The following ITGB6 variants were observed in gnomAD, a reference collection of about 807,000 sequenced individuals.
The protein encoded by ITGB6 is integrin beta-6.
In ITGB6, 80 loss-of-function variants were observed where a neutral mutation model predicts 84.5. That is an observed-to-expected ratio of 0.95 (90% CI 0.79 to 1.14). The LOEUF is 1.14. Among genes scored for constraint, ITGB6 ranks in the 50% most tolerant of loss-of-function variants. ITGB6 has a pLI of 0.00. For synonymous variants in ITGB6, 383 were observed against 354.9 expected (o/e 1.08, Z -0.89); for missense variants, 1,006 against 968.0 (o/e 1.04, Z -0.52).
At chr2:160,169,759 A>G (rs1685136412) in intron 6 of ITGB6, among the ~76,000 whole-genome samples, 1 of 152,178 alleles carries the variant, frequency 6.6e-6, no homozygotes, top group African/African-American at 2.4e-5. Context: ...TTGGAATTGG[A>G]TGAGGTGGAA....
intron 12 of ITGB6, among the ~76,000 whole-genome samples, chr2:160,122,970 C>T (rs756548299): frequency 6.6e-6 from 1 of 152,122 alleles, no homozygotes; most frequent in Non-Finnish European, 1.5e-5. Flanking sequence ...GCAATTCTAC[C>T]CTGAGCTGCA....
At chr2:160,170,718 C>A (rs1032653863) in intron 6 of ITGB6, among the ~76,000 whole-genome samples, 1 of 152,138 alleles carries the variant, frequency 6.6e-6, no homozygotes, top group South Asian at 2.1e-4. Flanking sequence ...TCAGAGGACC[C>A]GGGGGCTATG....
chr2:160,125,666 T>A lies in ITGB6; in HGVS notation c.1883+713A>T, dbSNP rs931163459. On this transcript the variant is annotated intron_variant, in intron 11 of 14. Transcript: ENST00000283249. ...CAGAGTTCATGAAAATCTGAAATGC[T>A]GAAGCATATTTGCTGCATAATACAT... Among the ~76,000 whole-genome samples, 77 of 152,340 alleles carry A rather than the reference T, an allele frequency of 5.1e-4. 1 individual carries two copies. Among genetic ancestry groups the A allele is most frequent in the African/African-American group, 1.9e-3 (77 of 41,572 alleles).
intron 12 of ITGB6, among the ~76,000 whole-genome samples, chr2:160,121,031 G>T (rs1683015174): frequency 6.6e-6 from 1 of 151,386 alleles, no homozygotes; most frequent in Non-Finnish European, 1.5e-5. Flanking sequence ...TGCACATTGT[G>T]CACATGTACC....
intron 4 of ITGB6, among the ~76,000 whole-genome samples, chr2:160,190,872 C>T (rs1686114835): frequency 6.6e-6 from 1 of 152,108 alleles, no homozygotes; most frequent in Non-Finnish European, 1.5e-5. Context: ...TATTATTGTA[C>T]TACATGTTGC....
intron 4 of ITGB6, among the ~76,000 whole-genome samples, chr2:160,194,221 C>G (rs1686246717): frequency 6.6e-6 from 1 of 152,026 alleles, no homozygotes; most frequent in Non-Finnish European, 1.5e-5. Context: ...GTCTCAGATA[C>G]TTGCAACCAA....
intron 4 of ITGB6, among the ~76,000 whole-genome samples, chr2:160,190,174 A>G (rs1407627736): frequency 3.6e-5 from 5 of 137,568 alleles, no homozygotes; most frequent in Non-Finnish European, 6.2e-5. Context: ...TGGACACAGG[A>G]AGGGGAACAT....
At chr2:160,196,444 T>A (rs751197631) in intron 2 of ITGB6, 24 bp from the exon 3 acceptor site, 3 of 1,565,760 alleles carry the variant, frequency 1.9e-6, no homozygotes, top group South Asian at 1.2e-5. Context: ...AGAAAAACAA[T>A]AACCAGAAAA....
rs184765465 is a variant in ITGB6 at position 160,137,517 on chromosome 2, A to G, written c.1577T>C (p.Leu526Ser). ...CCCATAAATGTTTCCATAGGGAGAC[A>G]AGTGGCAGATACACTGCCCACAGTA... The part of the protein sequence containing the change: ...DCYCGQCICH[L>S]SPYGNIYGPY... Residue 526 changes from leucine (L) to serine (S), a missense_variant, in exon 10 of 15, where the codon TTG becomes TCG. Leu to Ser is a moderately radical substitution (Grantham distance 145, BLOSUM62 -2). Transcript: ENST00000283249. 1.2e-5 allele frequency: 20 copies of G among 1,614,200 alleles called. No individual in the cohort carries two copies. Among genetic ancestry groups the G allele is most frequent in the Admixed American group, 3.3e-5 (2 of 60,030 alleles).
intron 4 of ITGB6, among the ~76,000 whole-genome samples, chr2:160,186,754 G>T (rs575441910): frequency 7.2e-5 from 11 of 152,216 alleles, no homozygotes; most frequent in African/African-American, 2.6e-4. Flanking sequence ...AGAAAATATG[G>T]CACATATACA....
chr2:160,196,377 G>A lies in ITGB6; in HGVS notation c.185C>T (p.Pro62Leu), dbSNP rs748070197. The stretch of plus-strand genomic sequence containing the variant: ...ACATCCTTTAGCTAAAAGGTTTGCT[G>A]GGGTATCACACCTTTCGCCAACTCC... Reference protein sequence around the residue: ...PSGVGERCDTPANLLAKGCQL... With the variant: ...PSGVGERCDTLANLLAKGCQL... The change falls in exon 3 of 15, where the codon CCA becomes CTA. Residue 62 changes from proline to leucine, a missense_variant. By Grantham distance (98) the Pro-to-Leu change is moderately conservative. Transcript: ENST00000283249. The A allele has an allele frequency of 3.7e-6, 6 of 1,613,974 alleles. 1 individual carries two copies. In the Admixed American group the frequency reaches 6.7e-5, roughly 18 times the overall value.
intron 13 of ITGB6, among the ~76,000 whole-genome samples, chr2:160,109,312 C>G (rs747969916): frequency 5.3e-5 from 8 of 152,196 alleles, no homozygotes; most frequent in Non-Finnish European, 8.8e-5. Context: ...AGCAAATGAA[C>G]CATAGCTGCC....
Position 160,158,829 on chromosome 2 carries a change from G to A in ITGB6, c.1017+10383C>T, listed in dbSNP as rs142866270. ...GAAATGCAGATTCTTGGCTGGGCAC[G>A]GTGGCTCATGCCTGTAATCCCAGCA... On this transcript the variant is annotated intron_variant, in intron 7 of 14. Coordinates refer to ENST00000283249, the MANE Select transcript of ITGB6 (RefSeq NM_000888.5). Among the ~76,000 whole-genome samples, 1,422 of 152,300 alleles carry A rather than the reference G, an allele frequency of 9.3e-3. 11 individuals carry two copies. Among genetic ancestry groups the A allele is most frequent in the Middle Eastern group, 0.054 (16 of 294 alleles).
chr2:160,143,331 A>C (rs1684070856), intron 7 of ITGB6, among the ~76,000 whole-genome samples: 1 of 152,196 alleles, frequency 6.6e-6, no homozygotes, highest in South Asian at 2.1e-4. Flanking sequence ...TTCTGTAATC[A>C]TCAAAGGCTT....
intron 4 of ITGB6, among the ~76,000 whole-genome samples, chr2:160,189,156 A>T (rs1392167156): frequency 6.6e-6 from 1 of 152,238 alleles, no homozygotes; most frequent in Non-Finnish European, 1.5e-5. Flanking sequence ...CCATATGTAA[A>T]AAGCTGAAAC....
chr2:160,116,314 T>G (rs1682765041), intron 12 of ITGB6, among the ~76,000 whole-genome samples: 1 of 150,954 alleles, frequency 6.6e-6, no homozygotes, highest in African/African-American at 2.4e-5. Flanking sequence ...AGCTGATCTC[T>G]TGGCAGAAAC....
chr2:160,126,238 G>T, intron 11 of ITGB6, 141 bp downstream of exon 11: 1 of 695,062 alleles, frequency 1.4e-6, no homozygotes, highest in Non-Finnish European at 2.5e-6. Flanking sequence ...CAGAGGCCCT[G>T]TGGGTTTGTG....
At chr2:160,110,951 T>C (rs1332881162) in intron 13 of ITGB6, among the ~76,000 whole-genome samples, 2 of 152,202 alleles carry the variant, frequency 1.3e-5, no homozygotes, top group East Asian at 1.9e-4. Context: ...GGAGGTTATG[T>C]TTCCCCTCAC....
At chr2:160,132,866 G>C (rs752015923) in intron 10 of ITGB6, among the ~76,000 whole-genome samples, 1 of 151,920 alleles carries the variant, frequency 6.6e-6, no homozygotes, top group Non-Finnish European at 1.5e-5. Flanking sequence ...AAGATATTCC[G>C]AGTAATTTTC....
Sources: gnomAD v4.1 joint callset for allele counts (sites outside exome capture counted in the v4.1 genomes callset) on GRCh38, gnomAD v4.1.1 for gene constraint, MANE v1.5 for transcripts, NCBI Gene and HGNC (gene_info 2026-07-23, HGNC 2026-07-21) for gene names.